ADGRG4: variants seen among roughly 807,000 people sequenced by gnomAD.
The protein encoded by ADGRG4 is adhesion G protein-coupled receptor G4.
ADGRG4 carries 122 observed loss-of-function variants against 126.2 expected under a neutral mutation model. That is an observed-to-expected ratio of 0.97 (90% CI 0.83 to 1.12). The LOEUF is 1.12. Ranked by LOEUF, ADGRG4 falls within the 50% of genes most tolerant of loss-of-function variation. ADGRG4 has a pLI of 0.00. For synonymous variants in ADGRG4, 943 were observed against 838.7 expected, an observed-to-expected ratio of 1.12 and a Z score of -2.15; for missense variants, 2,481 against 2,251.8, an observed-to-expected ratio of 1.10 and a Z score of -2.06.
At position 136,345,777 on chromosome X, in the gene ADGRG4, A is replaced by G. The variant is rs2075011940; in HGVS notation, c.2071A>G (p.Thr691Ala). The change falls in exon 6 of 26, where the codon ACT (threonine) becomes GCT (alanine). Residue 691 changes from threonine (T) to alanine (A), a missense_variant. Transcript: ENST00000394143. ...NFTSAFHENT[T>A]YTEYLSATTN... ...TACATCAGCATTTCATGAGAATACT[A>G]CTTATACAGAATATTTATCCGCAAC... is the stretch of plus-strand genomic sequence containing the variant. The G allele has an allele frequency of 8.3e-7, 1 of 1,207,897 alleles. No individual in the cohort carries two copies. Among genetic ancestry groups the G allele is most frequent in the Non-Finnish European group, 1.1e-6 (1 of 893,385 alleles).
chrX:136,380,601 CTCCTCT>C (rs1380414414), intron 15 of ADGRG4, among the ~76,000 whole-genome samples: 647 of 60,025 alleles, frequency 0.011, 2 homozygotes, highest in East Asian at 0.03. Context: ...CCTCCTCCTC[CTCCTCT>C]TCTTCTTCTT....
chrX:136,318,338 G>A (rs1165651609), intron 4 of ADGRG4, among the ~76,000 whole-genome samples: 2 of 111,902 alleles, frequency 1.8e-5, no homozygotes, highest in Non-Finnish European at 3.8e-5. Flanking sequence ...GGCAAATCCA[G>A]AGACAAAAAG....
chrX:136,319,938 C>A (rs1435466741), intron 4 of ADGRG4, among the ~76,000 whole-genome samples: 1 of 111,835 alleles, frequency 8.9e-6, no homozygotes, highest in Non-Finnish European at 1.9e-5. Context: ...TTTCCCTAAT[C>A]TCACACCTAA....
At chrX:136,324,837 G>T (rs1425666820) in intron 5 of ADGRG4, among the ~76,000 whole-genome samples, 1 of 111,746 alleles carries the variant, frequency 8.9e-6, no homozygotes, top group Non-Finnish European at 1.9e-5. Flanking sequence ...ATTTTACTAA[G>T]GCGTCCCTCT....
rs1402325815 is a variant in ADGRG4 at position 136,308,819 on chromosome X, T to C, written c.42T>C (p.Ile14=). 1.7e-6 allele frequency: 2 copies of C among 1,167,218 alleles called. No homozygotes were observed. Among genetic ancestry groups the C allele is most frequent in the Non-Finnish European group, 2.3e-6 (2 of 855,510 alleles). Reference sequence around the variant, plus strand: ...TATATCAGAAGCTTTATGGATTGATTCTCATGTCGAGTTTTATCTTTCTCT... The same window carrying C: ...TATATCAGAAGCTTTATGGATTGATCCTCATGTCGAGTTTTATCTTTCTCT... ...HIIYQKLYGL[I]LMSSFIFLSD... is the part of the protein sequence containing the mutation. The change falls in exon 4 of 26, where the codon ATT becomes ATC. Residue 14 remains isoleucine (I), a synonymous_variant. Coordinates refer to ENST00000394143, the MANE Select transcript of ADGRG4 (RefSeq NM_153834.4).
At chrX:136,406,245 A>C (rs1038188926) in intron 23 of ADGRG4, among the ~76,000 whole-genome samples, 30 of 112,545 alleles carry the variant, frequency 2.7e-4, no homozygotes, top group Non-Finnish European at 1.1e-4. Flanking sequence ...AAATGTACAG[A>C]TTCACACTCA....
intron 11 of ADGRG4, 51 bp from the exon 12 acceptor site, chrX:136,361,404 T>C (rs1468400328): frequency 1.2e-6 from 1 of 823,637 alleles, no homozygotes; most frequent in Non-Finnish European, 1.6e-6. Context: ...ATGTTTGTAA[T>C]ACTTTTAAGT....
chrX:136,333,580 C>T lies in ADGRG4; in HGVS notation c.685+10188C>T, dbSNP rs952908252. 3.6e-5 allele frequency among the ~76,000 whole-genome samples: 4 copies of T among 111,670 alleles called. No homozygotes were observed. The Admixed American group carries it at 3.8e-4, about 11-fold the overall frequency. ...TTGCCCAGGCTGGAGTGCACTGGCA[C>T]GATCTCAGCTCACTGCAACTTCCAC... On this transcript the variant is annotated intron_variant, in intron 5 of 25. Coordinates refer to ENST00000394143, the MANE Select transcript of ADGRG4 (RefSeq NM_153834.4).
chrX:136,376,870 G>T (rs78029308), intron 15 of ADGRG4, among the ~76,000 whole-genome samples: 1 of 110,544 alleles, frequency 9.0e-6, no homozygotes, highest in African/African-American at 3.3e-5. Context: ...TGGTTTTCTA[G>T]GTATACGTTC....
At chrX:136,365,598 G>T (rs945669723) in intron 13 of ADGRG4, among the ~76,000 whole-genome samples, 2 of 111,888 alleles carry the variant, frequency 1.8e-5, no homozygotes, top group Admixed American at 9.5e-5. Flanking sequence ...GAGTAGAATT[G>T]CTAGGTCATA....
At chrX:136,397,747 C>A in intron 19 of ADGRG4, 134 bp from the exon 20 acceptor site, 1 of 583,311 alleles carries the variant, frequency 1.7e-6, no homozygotes, top group Admixed American at 2.7e-5. Flanking sequence ...CATCCATTCA[C>A]ATAATCTGGT....
chrX:136,310,561 C>T (rs2074762524), intron 4 of ADGRG4, among the ~76,000 whole-genome samples: 1 of 111,358 alleles, frequency 9.0e-6, no homozygotes, highest in African/African-American at 3.3e-5. Flanking sequence ...GGTTCAGTTC[C>T]CTTCAGGCTC....
intron 4 of ADGRG4, among the ~76,000 whole-genome samples, chrX:136,309,137 T>C (rs2074752522): frequency 8.9e-6 from 1 of 112,709 alleles, no homozygotes. Context: ...AATGCACACC[T>C]AACAGAAGAT....
chrX:136,392,855 G>A (rs1192836639), intron 17 of ADGRG4, among the ~76,000 whole-genome samples: 1 of 111,965 alleles, frequency 8.9e-6, no homozygotes, highest in Non-Finnish European at 1.9e-5. Context: ...TGGCCAGTGT[G>A]ACGTCTCAAT....
chrX:136,375,508 T>A (rs1477414279), intron 15 of ADGRG4, among the ~76,000 whole-genome samples: 1 of 112,494 alleles, frequency 8.9e-6, no homozygotes, highest in Non-Finnish European at 1.9e-5. Context: ...ACCAGCTGTA[T>A]AAAAGTGTTT....
At chrX:136,339,226 G>T (rs1377070304) in intron 5 of ADGRG4, among the ~76,000 whole-genome samples, 4 of 111,607 alleles carry the variant, frequency 3.6e-5, no homozygotes, top group Non-Finnish European at 7.5e-5. Flanking sequence ...TGAGGGAAGA[G>T]AATCTCAGTA....
Position 136,345,261 on chromosome X carries a change from G to T in ADGRG4, c.1555G>T (p.Ala519Ser). The T allele has an allele frequency of 1.7e-6, 2 of 1,211,057 alleles. No individual in the cohort carries two copies. Among genetic ancestry groups the T allele is most frequent in the Non-Finnish European group, 2.2e-6 (2 of 895,027 alleles). The change falls in exon 6 of 26, where the codon GCC (alanine) becomes TCC (serine). Residue 519 changes from alanine to serine, a missense_variant. Coordinates refer to ENST00000394143, the MANE Select transcript of ADGRG4 (RefSeq NM_153834.4). ...LPTRLIETTPAPRTAETELTS... is the reference protein window; with the variant it reads ...LPTRLIETTPSPRTAETELTS... ...AACTAGGCTTATTGAGACCACACCT[G>T]CCCCAAGGACAGCTGAAACAGAATT...
intron 5 of ADGRG4, among the ~76,000 whole-genome samples, chrX:136,330,478 T>C (rs1372997476): frequency 2.7e-5 from 3 of 110,210 alleles, no homozygotes; most frequent in Non-Finnish European, 3.8e-5. Context: ...TGCTGAGTAG[T>C]ATTCCATGGT....
Position 136,361,511 on chromosome X carries a change from T to C in ADGRG4, c.7201T>C (p.Trp2401Arg). The change falls in exon 12 of 26, where the codon TGG becomes CGG. Residue 2401 changes from tryptophan to arginine, a missense_variant. By Grantham distance (101) the Trp-to-Arg change is moderately radical (BLOSUM62 -3). Transcript: ENST00000394143. The stretch of plus-strand genomic sequence containing the variant: ...CTCTAAATACAAAGGGACCTATAAG[T>C]GGCTATTAACCAACCCTACGGAGAC... ...TASKYKGTYK[W>R]LLTNPTETAQ... The C allele has an allele frequency of 8.4e-7, 1 of 1,186,923 alleles. No individual in the cohort carries two copies.
Sources: allele counts gnomAD v4.1 joint callset (sites outside exome capture counted in the v4.1 genomes callset), GRCh38; gene constraint gnomAD v4.1.1; transcripts MANE v1.5; gene names NCBI Gene and HGNC (gene_info 2026-07-23, HGNC 2026-07-21).